HLCS: variants seen among roughly 807,000 people sequenced by gnomAD.
HLCS encodes biotin--protein ligase.
HLCS carries 53 observed loss-of-function variants against 75.0 expected under a neutral mutation model. That is an observed-to-expected ratio of 0.71 (90% CI 0.57 to 0.89). HLCS has a LOEUF of 0.89. Ranked by LOEUF, HLCS falls within the 40% of genes least tolerant of loss-of-function variation. HLCS has a pLI of 0.00. For missense variants in HLCS, 966 were observed against 1,074.0 expected (o/e 0.90, Z 1.41); for synonymous variants, 431 against 428.6 (o/e 1.01, Z -0.07).
At chr21:36,817,833 T>G (rs2061707932) in intron 6 of HLCS, among the ~76,000 whole-genome samples, 4 of 152,230 alleles carry the variant, frequency 2.6e-5, no homozygotes, top group African/African-American at 9.6e-5. Flanking sequence ...CTAAACTTAA[T>G]TAGTCCAACG....
chr21:36,984,802 A>G (rs556815758), intron 1 of HLCS, among the ~76,000 whole-genome samples: 5 of 152,170 alleles, frequency 3.3e-5, no homozygotes, highest in Admixed American at 3.3e-4. Context: ...CTCTAAATCT[A>G]TCAAAATTAA....
At position 36,767,259 on chromosome 21, in the gene HLCS, A is replaced by T. The variant is rs1436812032; in HGVS notation, c.1919T>A (p.Met640Lys). Residue 640 changes from methionine to lysine, a missense_variant, in exon 7 of 11, where the codon ATG becomes AAG. Transcript: ENST00000674895. ...CCGGGCCGCGATCACTATTAAGCCC[A>T]TTTCCTGCGGTGTCTGAAACATCAG... is the stretch of plus-strand genomic sequence containing the variant. ...DGLMFQTPQE[M>K]GLIVIAARQT... 1 of 1,614,166 alleles carries T rather than the reference A, an allele frequency of 6.2e-7. No homozygotes were observed. The highest frequency in any genetic ancestry group is 2.2e-5 in the East Asian group (1 of 44,870).
At chr21:36,885,651 G>A (rs1290426089) in intron 6 of HLCS, among the ~76,000 whole-genome samples, 3 of 152,198 alleles carry the variant, frequency 2.0e-5, no homozygotes, top group Non-Finnish European at 4.4e-5. Flanking sequence ...ATAATAATGA[G>A]AGTTCCATAA....
At chr21:36,942,398 CAAAAAAAAAAAAAAAAA>C (rs55999516) in intron 2 of HLCS, among the ~76,000 whole-genome samples, 1 of 80,974 alleles carries the variant, frequency 1.2e-5, no homozygotes, top group Non-Finnish European at 2.4e-5. Context: ...GACTCCGTCT[CAAAAAAAAAAAAAAAAA>C]AAAAAAAAAA....
rs1345978309 is a variant in HLCS, at chr21:36,947,481, A to C, written c.331-8487T>G. 4 of 985,310 alleles carry C rather than the reference A, an allele frequency of 4.1e-6. No individual in the cohort carries two copies. In the African/African-American group the frequency reaches 7.0e-5, roughly 17 times the overall value. 61.0% of individuals were successfully genotyped at this position (985,310 alleles called of 1,614,324 possible). ...TGTTTGCCTTCCAGTGGATAAAGGCAAACAGGACACTTTAAATTTGCACTT... is the reference window on the plus strand; with the variant it reads ...TGTTTGCCTTCCAGTGGATAAAGGCCAACAGGACACTTTAAATTTGCACTT... On this transcript the variant is annotated intron_variant, in intron 2 of 10. Transcript: ENST00000674895.
At chr21:36,843,752 C>T (rs1490760032) in intron 6 of HLCS, among the ~76,000 whole-genome samples, 2 of 151,826 alleles carry the variant, frequency 1.3e-5, no homozygotes, top group Non-Finnish European at 2.9e-5. Flanking sequence ...CCTGTAATCC[C>T]AACACTTAAG....
rs1337439338 is a variant in HLCS at position 36,888,465 on chromosome 21, T to A, written c.1892+8395A>T. ...AAAAAAATATATATATATATATATA[T>A]ATATATATATATATATATATATATA... On this transcript the variant is annotated intron_variant, in intron 6 of 10. Transcript: ENST00000674895. Among the ~76,000 whole-genome samples, 292 of 33,380 alleles carry A rather than the reference T, an allele frequency of 8.7e-3. 14 individuals are homozygous for A. The highest frequency in any genetic ancestry group is 0.018 in the East Asian group (11 of 616). The allele number at this position is 33,380 out of a possible 152,430, so 21.9% of individuals were successfully genotyped here.
intron 6 of HLCS, 48 bp from the exon 7 acceptor site, chr21:36,767,333 G>A (rs372073604): frequency 7.7e-6 from 12 of 1,557,270 alleles, no homozygotes; most frequent in Admixed American, 1.7e-5. Flanking sequence ...GGACACGCCC[G>A]CGGCACCAAT....
chr21:36,788,515 A>T (rs2060763486), intron 6 of HLCS, among the ~76,000 whole-genome samples: 1 of 152,198 alleles, frequency 6.6e-6, no homozygotes, highest in African/African-American at 2.4e-5. Context: ...CACAAAATGA[A>T]ACTGCCTGGA....
At chr21:36,776,564 A>C (rs2060364383) in intron 6 of HLCS, among the ~76,000 whole-genome samples, 1 of 152,018 alleles carries the variant, frequency 6.6e-6, no homozygotes. Flanking sequence ...ACAGGCGTGC[A>C]CCACCATGCC....
intron 6 of HLCS, among the ~76,000 whole-genome samples, chr21:36,851,429 C>T (rs1057144381): frequency 2.6e-5 from 4 of 152,166 alleles, no homozygotes; most frequent in South Asian, 4.2e-4. Context: ...AGCCAGACAT[C>T]GAAAGACAAA....
intron 6 of HLCS, among the ~76,000 whole-genome samples, chr21:36,871,937 A>G (rs977678959): frequency 6.6e-6 from 1 of 152,236 alleles, no homozygotes; most frequent in Admixed American, 6.5e-5. Context: ...GCACAGTGAG[A>G]TACAACTGCA....
intron 6 of HLCS, among the ~76,000 whole-genome samples, chr21:36,845,885 C>T (rs55672278): frequency 4.5e-4 from 68 of 152,246 alleles, no homozygotes; most frequent in African/African-American, 1.6e-3. Flanking sequence ...GCCACCTCTT[C>T]TTGGTGGCCC....
At chr21:36,878,756 T>C (rs934631307) in intron 6 of HLCS, among the ~76,000 whole-genome samples, 1 of 152,222 alleles carries the variant, frequency 6.6e-6, no homozygotes, top group African/African-American at 2.4e-5. Context: ...GATTTTCTTT[T>C]GTAATAAGAT....
At chr21:36,855,485 C>A (rs1214543090) in intron 6 of HLCS, among the ~76,000 whole-genome samples, 1 of 147,348 alleles carries the variant, frequency 6.8e-6, no homozygotes, top group Non-Finnish European at 1.5e-5. Context: ...TTGCAGTGAG[C>A]CGAGATCACA....
At chr21:36,943,102 A>G (rs962132333) in intron 2 of HLCS, among the ~76,000 whole-genome samples, 1 of 152,174 alleles carries the variant, frequency 6.6e-6, no homozygotes, top group African/African-American at 2.4e-5. Context: ...AAAAACTGGA[A>G]CTCTAATACA....
intron 2 of HLCS, among the ~76,000 whole-genome samples, chr21:36,950,096 T>C (rs985380958): frequency 6.6e-6 from 1 of 152,198 alleles, no homozygotes; most frequent in South Asian, 2.1e-4. Context: ...CCACAATCTG[T>C]TCCAGGTTTG....
intron 6 of HLCS, among the ~76,000 whole-genome samples, chr21:36,786,821 C>T (rs1764861939): frequency 6.6e-6 from 1 of 152,210 alleles, no homozygotes; most frequent in East Asian, 1.9e-4. Context: ...AAATTGCATT[C>T]TCACCGAATG....
At chr21:36,794,394 G>A (rs1409649452) in intron 6 of HLCS, among the ~76,000 whole-genome samples, 1 of 152,260 alleles carries the variant, frequency 6.6e-6, no homozygotes, top group Non-Finnish European at 1.5e-5. Context: ...TGTTCAGAAA[G>A]AAGATAGTGA....
Sources: gnomAD v4.1 joint callset for allele counts (sites outside exome capture counted in the v4.1 genomes callset) on GRCh38, gnomAD v4.1.1 for gene constraint, MANE v1.5 for transcripts, NCBI Gene and HGNC (gene_info 2026-07-23, HGNC 2026-07-21) for gene names.